Variants in ANK3 observed in about 807,000 individuals in gnomAD.
ANK3 encodes ankyrin 3, also known as ankyrin-3.
In ANK3, 57 loss-of-function variants were observed where a neutral mutation model predicts 370.9. The ratio of observed to expected loss-of-function variants is 0.15; its 90% confidence interval spans 0.12 to 0.19. The LOEUF is 0.19. Ranked by LOEUF, ANK3 falls within the 10% of genes least tolerant of loss-of-function variation. The pLI, the probability that ANK3 is intolerant of heterozygous loss-of-function variation, is 1.00. For synonymous variants in ANK3, 1,929 were observed against 1,946.3 expected, an observed-to-expected ratio of 0.99 and a Z score of 0.23; for missense variants, 4,439 against 5,302.1, an observed-to-expected ratio of 0.84 and a Z score of 5.06.
intron 1 of ANK3, among the ~76,000 whole-genome samples, chr10:60,648,239 A>G (rs10443913): frequency 0.7 from 93,259 of 133,682 alleles, 31,642 homozygotes; most frequent in South Asian, 0.84. Context: ...TGCAAGCTCC[A>G]CCTCCCAGGT....
intron 5 of ANK3, among the ~76,000 whole-genome samples, chr10:60,265,093 A>T (rs2097858075): frequency 6.6e-6 from 1 of 152,068 alleles, no homozygotes; most frequent in Non-Finnish European, 1.5e-5. Context: ...TACCACACTT[A>T]TTTTTTTGTG....
intron 1 of ANK3, among the ~76,000 whole-genome samples, chr10:60,383,989 C>A (rs2061905840): frequency 6.6e-6 from 1 of 152,120 alleles, no homozygotes; most frequent in South Asian, 2.1e-4. Context: ...TTACAATAAA[C>A]CCAGTGGTTA....
chr10:60,195,708 C>T (rs2096576208), intron 16 of ANK3, among the ~76,000 whole-genome samples: 1 of 152,154 alleles, frequency 6.6e-6, no homozygotes, highest in Admixed American at 6.5e-5. Context: ...CAATAAAGAT[C>T]CTCCTTAGCA....
chr10:60,621,021 G>A (rs1383273416), intron 1 of ANK3, among the ~76,000 whole-genome samples: 2 of 152,134 alleles, frequency 1.3e-5, no homozygotes, highest in African/African-American at 4.8e-5. Flanking sequence ...TGCAAAGACA[G>A]CATTCAAACC....
At chr10:60,064,915 T>G (rs747631633) in intron 38 of ANK3, among the ~76,000 whole-genome samples, 17 of 152,202 alleles carry the variant, frequency 1.1e-4, no homozygotes, top group Non-Finnish European at 1.8e-4. Context: ...GATGATTGTT[T>G]TAATTCAGCC....
At chr10:60,542,385 T>C (rs548050211) in intron 2 of ANK3, among the ~76,000 whole-genome samples, 34 of 151,854 alleles carry the variant, frequency 2.2e-4, no homozygotes, top group Non-Finnish European at 2.8e-4. Flanking sequence ...CTTTACAACA[T>C]GAAAAAATGC....
chr10:60,525,453 G>C (rs1208069283), intron 2 of ANK3, among the ~76,000 whole-genome samples: 1 of 152,056 alleles, frequency 6.6e-6, no homozygotes, highest in Non-Finnish European at 1.5e-5. Flanking sequence ...GAAACTATTA[G>C]TTCCTTTTGA....
intron 25 of ANK3, among the ~76,000 whole-genome samples, chr10:60,118,055 A>G (rs890716783): frequency 1.3e-5 from 2 of 152,304 alleles, no homozygotes; most frequent in East Asian, 1.9e-4. Flanking sequence ...AACAATATAC[A>G]TGCAGTATTT....
intron 23 of ANK3, among the ~76,000 whole-genome samples, chr10:60,149,994 C>T (rs2095030875): frequency 6.6e-6 from 1 of 152,232 alleles, no homozygotes; most frequent in African/African-American, 2.4e-5. Flanking sequence ...CAGGCGTGAG[C>T]CACCATACCC....
chr10:60,533,234 G>A (rs1432373998), intron 2 of ANK3, among the ~76,000 whole-genome samples: 1 of 151,910 alleles, frequency 6.6e-6, no homozygotes, highest in Non-Finnish European at 1.5e-5. Context: ...GAGTGACTAA[G>A]AACAATAGAA....
At chr10:60,090,228 G>A (rs2087907495) in intron 28 of ANK3, among the ~76,000 whole-genome samples, 1 of 151,988 alleles carries the variant, frequency 6.6e-6, no homozygotes, top group Non-Finnish European at 1.5e-5. Context: ...TGAGACAGGA[G>A]AATTACTTGA....
intron 2 of ANK3, 121 bp downstream of exon 2, chr10:60,279,417 C>A (rs1309325764): frequency 1.3e-6 from 1 of 794,884 alleles, no homozygotes; most frequent in Non-Finnish European, 2.1e-6. Context: ...AATAATTTGA[C>A]AATGACAAGC....
intron 25 of ANK3, among the ~76,000 whole-genome samples, chr10:60,126,107 C>T (rs1302918502): frequency 6.6e-6 from 1 of 152,174 alleles, no homozygotes; most frequent in Non-Finnish European, 1.5e-5. Flanking sequence ...ACAGCCAGTG[C>T]AACTGTTGAC....
intron 2 of ANK3, among the ~76,000 whole-genome samples, chr10:60,395,605 T>A (rs201015936): frequency 1.8e-5 from 2 of 113,760 alleles, no homozygotes; most frequent in African/African-American, 7.7e-5. Flanking sequence ...TCTTTCTTTC[T>A]TTCTCTCTTT....
intron 2 of ANK3, among the ~76,000 whole-genome samples, chr10:60,412,319 G>A (rs906908342): frequency 2.0e-5 from 3 of 152,116 alleles, no homozygotes; most frequent in Non-Finnish European, 2.9e-5. Flanking sequence ...AGCCTGAAGA[G>A]AACAAAAGAA....
At chr10:60,624,541 A>G (rs747897942) in intron 1 of ANK3, among the ~76,000 whole-genome samples, 1 of 152,144 alleles carries the variant, frequency 6.6e-6, no homozygotes, top group Non-Finnish European at 1.5e-5. Context: ...TGGAACTGTG[A>G]ATATAATAGC....
chr10:60,462,969 T>C (rs940402905), intron 2 of ANK3, among the ~76,000 whole-genome samples: 3 of 152,152 alleles, frequency 2.0e-5, no homozygotes, highest in Admixed American at 2.0e-4. Context: ...AGTGACACGA[T>C]CATGGCTTAC....
chr10:60,660,469 A>G (rs1346453624), intron 1 of ANK3, among the ~76,000 whole-genome samples: 1 of 152,058 alleles, frequency 6.6e-6, no homozygotes, highest in African/African-American at 2.4e-5. Context: ...TATACTTATC[A>G]TTTCTGATGC....
chr10:60,040,806 T>A (rs1339268541), intron 43 of ANK3, among the ~76,000 whole-genome samples: 1 of 152,152 alleles, frequency 6.6e-6, no homozygotes, highest in Non-Finnish European at 1.5e-5. Flanking sequence ...AGCCTGAGAA[T>A]ATGATTGAAC....
Sources: allele counts gnomAD v4.1 joint callset (sites outside exome capture counted in the v4.1 genomes callset), GRCh38; gene constraint gnomAD v4.1.1; transcripts MANE v1.5; gene names NCBI Gene and HGNC (gene_info 2026-07-23, HGNC 2026-07-21).